Variants in SPMIP4 observed in about 807,000 individuals in gnomAD.
The protein encoded by SPMIP4 is sperm-associated microtubule inner protein 4.
chr7:25,134,284 A>AACAC, the SPMIP4 span, among the ~76,000 whole-genome samples: 21 of 150,518 alleles, frequency 1.4e-4, no homozygotes, highest in South Asian at 3.4e-3. Context: ...ACAAAAACAA[A>AACAC]ACACACACAC....
the SPMIP4 span, chr7:25,134,571 A>T: frequency 3.5e-6 from 2 of 566,432 alleles, no homozygotes; most frequent in Non-Finnish European, 2.2e-6. Flanking sequence ...GCATGGAGGT[A>T]GGCAGAGTGA....
At chr7:25,141,234 G>C in the SPMIP4 span, among the ~76,000 whole-genome samples, 1 of 152,102 alleles carries the variant, frequency 6.6e-6, no homozygotes, top group Non-Finnish European at 1.5e-5. Flanking sequence ...AATATCAGGA[G>C]GAAGCCTTTA....
chr7:25,133,457 G>A, the SPMIP4 span, among the ~76,000 whole-genome samples: 2 of 152,190 alleles, frequency 1.3e-5, no homozygotes, highest in South Asian at 4.1e-4. Context: ...CCACTGGATT[G>A]AAGGCAGAGA....
chr7:25,158,425 C>A, the SPMIP4 span: 2 of 1,010,370 alleles, frequency 2.0e-6, no homozygotes, highest in Non-Finnish European at 1.5e-6. Flanking sequence ...TGTTTTCACA[C>A]TTCTAAGACA....
At chr7:25,159,168 C>T in the SPMIP4 span, among the ~76,000 whole-genome samples, 1 of 152,328 alleles carries the variant, frequency 6.6e-6, no homozygotes, top group East Asian at 1.9e-4. Flanking sequence ...TGACGTTATA[C>T]ATGGGGTGCA....
chr7:25,126,967 G>C, the SPMIP4 span, among the ~76,000 whole-genome samples: 2 of 152,218 alleles, frequency 1.3e-5, no homozygotes, highest in South Asian at 4.2e-4. Flanking sequence ...ACTATTCTAG[G>C]ATAAAAGTTT....
At chr7:25,173,102 A>T in the SPMIP4 span, among the ~76,000 whole-genome samples, 4 of 151,890 alleles carry the variant, frequency 2.6e-5, no homozygotes, top group South Asian at 8.3e-4. The surrounding 1 kb of genome is among the most constrained non-coding windows in gnomAD (Gnocchi z 4.4). Flanking sequence ...GTAGGTAGAT[A>T]GGGAGAGAGA....
At chr7:25,150,715 C>T in the SPMIP4 span, among the ~76,000 whole-genome samples, 289 of 152,258 alleles carry the variant, frequency 1.9e-3, 1 homozygote, top group African/African-American at 6.7e-3. Context: ...AGGTCAGAGA[C>T]TAGAACTTCA....
the SPMIP4 span, among the ~76,000 whole-genome samples, chr7:25,145,805 T>C: frequency 6.6e-6 from 1 of 152,190 alleles, no homozygotes; most frequent in African/African-American, 2.4e-5. Flanking sequence ...TGAATACCTA[T>C]TGCATGCAAA....
the SPMIP4 span, chr7:25,161,225 TG>T: frequency 6.4e-7 from 1 of 1,567,224 alleles, no homozygotes; most frequent in South Asian, 1.2e-5. Context: ...TTTTTTGTTC[TG>T]GGTCAAATAA....
At chr7:25,155,028 G>A in the SPMIP4 span, 1 of 1,613,794 alleles carries the variant, frequency 6.2e-7, no homozygotes, top group Non-Finnish European at 8.5e-7. Flanking sequence ...CTTCAAAACT[G>A]TTGAATCATA....
chr7:25,136,856 C>A, the SPMIP4 span: 1 of 1,503,592 alleles, frequency 6.7e-7, no homozygotes, highest in South Asian at 1.3e-5. The surrounding 1 kb of genome is among the most constrained non-coding windows in gnomAD (Gnocchi z 5.7). Context: ...AATGGTAGGT[C>A]AAAAGTCATA....
chr7:25,146,116 C>T, the SPMIP4 span, among the ~76,000 whole-genome samples: 3 of 152,080 alleles, frequency 2.0e-5, no homozygotes, highest in Admixed American at 6.5e-5. Context: ...TATGATAAGG[C>T]ACTTCGTTCA....
chr7:25,155,905 T>C, the SPMIP4 span, among the ~76,000 whole-genome samples: 1 of 152,160 alleles, frequency 6.6e-6, no homozygotes, highest in Non-Finnish European at 1.5e-5. Context: ...AGAAATGTTA[T>C]TCATAACAAG....
the SPMIP4 span, among the ~76,000 whole-genome samples, chr7:25,127,994 C>G: frequency 6.6e-6 from 1 of 152,186 alleles, no homozygotes; most frequent in African/African-American, 2.4e-5. Flanking sequence ...TGGGTAAGAT[C>G]CAGGAGAATT....
the SPMIP4 span, among the ~76,000 whole-genome samples, chr7:25,141,265 A>G: frequency 6.6e-6 from 1 of 152,154 alleles, no homozygotes. Flanking sequence ...AGCAATGGTA[A>G]TGTACAAGAT....
At chr7:25,154,185 G>A in the SPMIP4 span, among the ~76,000 whole-genome samples, 1 of 152,128 alleles carries the variant, frequency 6.6e-6, no homozygotes, top group South Asian at 2.1e-4. Flanking sequence ...AGACACCGAG[G>A]TTGAGGCTGA....
At chr7:25,137,367 G>A in the SPMIP4 span, among the ~76,000 whole-genome samples, 2 of 146,382 alleles carry the variant, frequency 1.4e-5, no homozygotes, top group Non-Finnish European at 3.0e-5. Flanking sequence ...TTCTCTTATG[G>A]TTTTGGCAGG....
the SPMIP4 span, among the ~76,000 whole-genome samples, chr7:25,178,595 G>A: frequency 6.6e-6 from 1 of 152,202 alleles, no homozygotes; most frequent in Non-Finnish European, 1.5e-5. Context: ...ATTTCCCAAT[G>A]AAGGAACGGA....
Sources: gnomAD v4.1 joint callset for allele counts (sites outside exome capture counted in the v4.1 genomes callset) on GRCh38, gnomAD v4.1.1 for gene constraint, Gnocchi (gnomAD v3.1) non-coding constraint, MANE v1.5 for transcripts, NCBI Gene and HGNC (gene_info 2026-07-23, HGNC 2026-07-21) for gene names.